Variants in NBPF10 observed in about 807,000 individuals in gnomAD.
The protein encoded by NBPF10 is NBPF member 10, also known as NBPF family member NBPF10.
NBPF10 carries 63 observed loss-of-function variants against 77.9 expected under a neutral mutation model. The ratio of observed to expected loss-of-function variants is 0.81; its 90% confidence interval spans 0.66 to 1.00. The LOEUF (loss-of-function observed/expected upper bound fraction) is 1.00, where lower values mean the gene tolerates loss of function less well. Among genes scored for constraint, NBPF10 ranks in the 50% least tolerant of loss-of-function variants. The pLI is 0.00. For synonymous variants in NBPF10, 146 were observed against 264.5 expected (o/e 0.55, Z 4.35); for missense variants, 522 against 679.8 (o/e 0.77, Z 2.58).
Position 146,122,411 on chromosome 1 carries a change from G to A in NBPF10, c.2477-20C>T. The A allele has an allele frequency of 2.9e-5, 3 of 104,340 alleles. No homozygotes were observed. The highest frequency in any genetic ancestry group is 4.6e-5 in the Non-Finnish European group (3 of 65,428). 6.5% of individuals were successfully genotyped at this position (104,340 alleles called of 1,614,324 possible). On this transcript the variant is annotated intron_variant, in intron 18 of 89. Transcript: ENST00000583866. ...CAATTTCTGCAATAAATTCAGACAT[G>A]GACAGACACATTAAGCTGATTCCCC...
At chr1:146,134,040 A>G (rs1226153042) in intron 9 of NBPF10, among the ~76,000 whole-genome samples, 153 bp downstream of exon 9, 10 of 150,368 alleles carry the variant, frequency 6.7e-5, no homozygotes, top group East Asian at 2.0e-4. Flanking sequence ...CATGACAGCT[A>G]CCGCACCCTG....
In NBPF10 at chr1:146,142,663, C is replaced by G. The variant is rs782690658; in HGVS notation, c.265G>C (p.Ala89Pro). 4.8e-5 allele frequency: 65 copies of G among 1,349,056 alleles called. 16 individuals carry two copies. Among genetic ancestry groups the G allele is most frequent in the Non-Finnish European group, 6.5e-5 (64 of 980,748 alleles). 83.6% of individuals were successfully genotyped at this position (1,349,056 alleles called of 1,614,324 possible). The change falls in exon 2 of 90, where the codon GCT (alanine) becomes CCT (proline). Residue 89 changes from alanine (A) to proline (P), a missense_variant. Transcript: ENST00000583866. Reference sequence around the variant, plus strand: ...GGGTCCCCTCACCTGAGCTCCTCAGCTTGCTTCAGCTGCTCTGCAAGCTTC... The same window carrying G: ...GGGTCCCCTCACCTGAGCTCCTCAGGTTGCTTCAGCTGCTCTGCAAGCTTC...
At chr1:146,109,343 CACAGAGAGAG>C (rs1657354996) in intron 35 of NBPF10, among the ~76,000 whole-genome samples, 1 of 91,716 alleles carries the variant, frequency 1.1e-5, no homozygotes, top group African/African-American at 3.8e-5. Context: ...CACACACACA[CACAGAGAGAG>C]AGAGAGAGAA....
chr1:146,066,689 A>C (rs1254131980), intron 89 of NBPF10, 128 bp from the exon 90 acceptor site: 3 of 569,244 alleles, frequency 5.3e-6, no homozygotes, highest in African/African-American at 3.9e-5. Flanking sequence ...TAATGAGGTA[A>C]AAAAAAAATT....
chr1:146,125,909 A>G (rs371544921), intron 14 of NBPF10, among the ~76,000 whole-genome samples: 1 of 151,412 alleles, frequency 6.6e-6, no homozygotes, highest in Non-Finnish European at 1.5e-5. Flanking sequence ...CTGAAATTAG[A>G]GTAAAGGATG....
At chr1:146,067,815 G>C (rs1553778321) in intron 88 of NBPF10, among the ~76,000 whole-genome samples, 188 bp downstream of exon 88, 1 of 151,904 alleles carries the variant, frequency 6.6e-6, no homozygotes, top group East Asian at 2.0e-4. Flanking sequence ...AGAGAGTCTT[G>C]CTCACTGAAC....
chr1:146,125,951 A>T (rs1396732667), intron 14 of NBPF10, among the ~76,000 whole-genome samples: 1 of 151,672 alleles, frequency 6.6e-6, no homozygotes. Context: ...TTTAGACAAA[A>T]TCAGAGTTGT....
chr1:146,136,237 T>C (rs1659688255), intron 7 of NBPF10, 116 bp downstream of exon 7: 2 of 845,924 alleles, frequency 2.4e-6, no homozygotes, highest in South Asian at 1.4e-5. Flanking sequence ...GAGCCTGCCA[T>C]GGCAATTCCT....
intron 35 of NBPF10, among the ~76,000 whole-genome samples, chr1:146,109,322 A>G (rs1657347559): frequency 3.8e-5 from 4 of 104,104 alleles, no homozygotes; most frequent in South Asian, 3.6e-4. Context: ...ACACACACAC[A>G]CACACACACA....
At chr1:146,139,265 ATT>A (rs10533520) in intron 5 of NBPF10, among the ~76,000 whole-genome samples, 313 of 139,866 alleles carry the variant, frequency 2.2e-3, no homozygotes, top group African/African-American at 7.1e-3. Context: ...ACGCCCAGCT[ATT>A]TTTTTTTTTT....
chr1:146,076,300 CACAGAG>C (rs1291039598), intron 77 of NBPF10, among the ~76,000 whole-genome samples: 142 of 9,212 alleles, frequency 0.015, no homozygotes, highest in African/African-American at 0.026. Flanking sequence ...CACACACACA[CACAGAG>C]AGAGAGAGAG....
At chr1:146,138,872 C>T (rs1659980141) in intron 5 of NBPF10, among the ~76,000 whole-genome samples, 1 of 144,034 alleles carries the variant, frequency 6.9e-6, no homozygotes, top group South Asian at 2.4e-4. Flanking sequence ...GCCACCTCTG[C>T]CGCCCGGGTT....
intron 88 of NBPF10, 138 bp downstream of exon 88, chr1:146,067,865 T>A (rs1655331163): frequency 5.7e-6 from 4 of 697,724 alleles, no homozygotes; most frequent in African/African-American, 5.3e-5. Flanking sequence ...TACAGTTTCA[T>A]TACAACCTAT....
intron 5 of NBPF10, among the ~76,000 whole-genome samples, chr1:146,138,845 C>T (rs1272323669): frequency 7.0e-6 from 1 of 143,696 alleles, no homozygotes; most frequent in East Asian, 2.0e-4. Context: ...AGTGCAGAGG[C>T]ACAATCTCAG....
At chr1:146,134,810 A>G (rs3872125) in intron 8 of NBPF10, among the ~76,000 whole-genome samples, 857 of 117,708 alleles carry the variant, frequency 7.3e-3, no homozygotes, top group African/African-American at 0.023. Context: ...ATCACACGGC[A>G]AGGGCCTTCA....
chr1:146,123,508 A>G (rs1658324979), intron 17 of NBPF10, among the ~76,000 whole-genome samples: 1 of 104,086 alleles, frequency 9.6e-6, no homozygotes, highest in African/African-American at 4.7e-5. Context: ...ACACACACAC[A>G]CACACACACA....
At chr1:146,065,787 A>C in exon 90 of NBPF10, 1 of 127,366 alleles carries the variant, frequency 7.9e-6, no homozygotes, top group East Asian at 2.4e-4. Context: ...TCTCTAACCA[A>C]AGGAGTCTAG....
intron 81 of NBPF10, among the ~76,000 whole-genome samples, chr1:146,073,260 A>T (rs377364002): frequency 1.7e-4 from 1 of 5,918 alleles, no homozygotes; most frequent in Non-Finnish European, 2.8e-4. Context: ...CTTGCTCAAG[A>T]TTCCATGCAG....
exon 89 of NBPF10, chr1:146,067,218 T>C (rs782501302): frequency 3.5e-6 from 2 of 566,644 alleles, no homozygotes; most frequent in Admixed American, 3.3e-5. Flanking sequence ...CCCCTTCTTT[T>C]CTTCCCCTTC....
Sources: gnomAD v4.1 joint callset for allele counts (sites outside exome capture counted in the v4.1 genomes callset) on GRCh38, gnomAD v4.1.1 for gene constraint, MANE v1.5 for transcripts, NCBI Gene and HGNC (gene_info 2026-07-23, HGNC 2026-07-21) for gene names.